TOX3: variants seen among roughly 807,000 people sequenced by gnomAD.
TOX3 encodes CAG trinucleotide repeat-containing gene F9 protein.
In TOX3, 22 loss-of-function variants were observed where a neutral mutation model predicts 64.3. The observed-to-expected ratio is 0.34, with a 90% CI of 0.24 to 0.49. TOX3 has a LOEUF of 0.49. Among genes scored for constraint, TOX3 ranks in the 20% least tolerant of loss-of-function variants. The probability of loss-of-function intolerance (pLI) is 0.99; values close to 1 mark genes in which losing one functional copy is unlikely to be tolerated. For synonymous variants in TOX3, 291 were observed against 273.6 expected, an observed-to-expected ratio of 1.06 and a Z score of -0.63; for missense variants, 661 against 714.4, an observed-to-expected ratio of 0.93 and a Z score of 0.85.
At chr16:52,515,297 G>GTT (rs1358409931) in intron 1 of TOX3, among the ~76,000 whole-genome samples, 1 of 151,994 alleles carries the variant, frequency 6.6e-6, no homozygotes, top group Non-Finnish European at 1.5e-5. Flanking sequence ...AGATAGTATG[G>GTT]TTTCCTAACC....
At chr16:52,520,749 GA>G (rs1046163579) in intron 1 of TOX3, among the ~76,000 whole-genome samples, 21 of 151,836 alleles carry the variant, frequency 1.4e-4, no homozygotes, top group African/African-American at 4.1e-4. Flanking sequence ...ATAAATACAG[GA>G]AAAAAAAGTT....
At chr16:52,490,626 ATTT>A (rs3086679) in intron 1 of TOX3, among the ~76,000 whole-genome samples, 6 of 99,046 alleles carry the variant, frequency 6.1e-5, no homozygotes, top group African/African-American at 4.3e-5. Context: ...CTAGGATGTA[ATTT>A]TTTTTTTTTT....
intron 1 of TOX3, among the ~76,000 whole-genome samples, chr16:52,476,884 G>A (rs1020887613): frequency 2.0e-5 from 3 of 152,034 alleles, no homozygotes; most frequent in African/African-American, 7.2e-5. Context: ...TCAAGCTAAG[G>A]GCCAACTCAG....
intron 1 of TOX3, among the ~76,000 whole-genome samples, chr16:52,504,662 C>G (rs1962109551): frequency 6.6e-6 from 1 of 151,718 alleles, no homozygotes; most frequent in South Asian, 2.1e-4. Flanking sequence ...GATGGGGTAA[C>G]GGAGGCTTTT....
At chr16:52,490,575 A>G (rs912123270) in intron 1 of TOX3, among the ~76,000 whole-genome samples, 57 of 150,332 alleles carry the variant, frequency 3.8e-4, no homozygotes, top group African/African-American at 1.4e-3. Flanking sequence ...TTTTAAATTG[A>G]AAAGTATTCT....
chr16:52,470,834 C>CT (rs1961020836), intron 1 of TOX3, among the ~76,000 whole-genome samples: 1 of 152,172 alleles, frequency 6.6e-6, no homozygotes, highest in African/African-American at 2.4e-5. Context: ...CCTTGCATAT[C>CT]TTTTGTATCT....
At position 52,439,200 on chromosome 16, in the gene TOX3, G is replaced by C. The variant is rs371636369; in HGVS notation, c.*25C>G. 6.2e-7 allele frequency: 1 copy of C among 1,613,484 alleles called. No homozygotes were observed. Among genetic ancestry groups the C allele is most frequent in the South Asian group, 1.1e-5 (1 of 90,954 alleles). ...TCCTATGCCACTCTCCTTGGTATACGCAAATCCGTCTGCCATATGCGTCTT... is the reference window on the plus strand; with the variant it reads ...TCCTATGCCACTCTCCTTGGTATACCCAAATCCGTCTGCCATATGCGTCTT... On this transcript the variant is annotated 3_prime_UTR_variant, in exon 7 of 7. Coordinates refer to ENST00000219746, the MANE Select transcript of TOX3 (RefSeq NM_001080430.4).
chr16:52,481,924 A>G lies in TOX3; in HGVS notation c.88-13350T>C, dbSNP rs369638840. ...GAGCTCACATGAGACTCTAAATCCC[A>G]CTTCCGACGAGGTCTTAGGGCAGGA... On this transcript the variant is annotated intron_variant, in intron 1 of 6. Coordinates refer to ENST00000219746, the MANE Select transcript of TOX3 (RefSeq NM_001080430.4). Among the ~76,000 whole-genome samples, 5 of 152,302 alleles carry G rather than the reference A, an allele frequency of 3.3e-5. No individual in the cohort carries two copies. The East Asian group carries it at 9.6e-4, about 29-fold the overall frequency.
intron 1 of TOX3, among the ~76,000 whole-genome samples, chr16:52,524,394 T>C (rs761628448): frequency 6.6e-6 from 1 of 152,198 alleles, no homozygotes; most frequent in Non-Finnish European, 1.5e-5. Context: ...TTCAAATGAA[T>C]TTTTTAGATG....
chr16:52,454,471 A>C (rs541784642), intron 3 of TOX3, among the ~76,000 whole-genome samples: 156 of 152,324 alleles, frequency 1.0e-3, no homozygotes, highest in Non-Finnish European at 2.0e-3. Context: ...ACCACGGTTC[A>C]CAGTTATCCC....
intron 6 of TOX3, among the ~76,000 whole-genome samples, chr16:52,443,489 TA>T (rs1960067095): frequency 6.6e-6 from 1 of 152,190 alleles, no homozygotes; most frequent in African/African-American, 2.4e-5. Flanking sequence ...GAACCCTTTT[TA>T]AATGGCTTTG....
Position 52,546,758 on chromosome 16 carries a change from G to C in TOX3, c.-35C>G. On this transcript the variant is annotated 5_prime_UTR_variant, in exon 1 of 7. Transcript: ENST00000219746. ...GGGCCCGGGGCCGGGGGCCGGGACT[G>C]GGGTTCGCCGGGGCCGGGACCCGCC... The C allele has an allele frequency of 3.4e-6, 5 of 1,473,904 alleles. No homozygotes were observed. The highest frequency in any genetic ancestry group is 4.5e-6 in the Non-Finnish European group (5 of 1,114,940). 91.3% of individuals were successfully genotyped at this position (1,473,904 alleles called of 1,614,324 possible).
chr16:52,456,281 C>T (rs1025010943), intron 3 of TOX3, among the ~76,000 whole-genome samples: 1 of 152,188 alleles, frequency 6.6e-6, no homozygotes, highest in Non-Finnish European at 1.5e-5. Context: ...CAATTGCGGA[C>T]ATTTCTATTT....
chr16:52,440,207 A>T (rs958156915), intron 6 of TOX3, among the ~76,000 whole-genome samples: 3 of 152,106 alleles, frequency 2.0e-5, no homozygotes, highest in Non-Finnish European at 4.4e-5. Context: ...ATGTGATGAC[A>T]GTGATACTGC....
chr16:52,460,989 A>G (rs1381376016), intron 3 of TOX3, among the ~76,000 whole-genome samples: 1 of 152,182 alleles, frequency 6.6e-6, no homozygotes, highest in Admixed American at 6.5e-5. Flanking sequence ...GACTGACCCA[A>G]TATGTCACAA....
chr16:52,470,542 T>C (rs1320313081), intron 1 of TOX3, among the ~76,000 whole-genome samples: 1 of 152,046 alleles, frequency 6.6e-6, no homozygotes. Flanking sequence ...AAAAAACAAA[T>C]TAAGCTTAGA....
At chr16:52,535,250 C>T (rs1962923457) in intron 1 of TOX3, among the ~76,000 whole-genome samples, 1 of 152,196 alleles carries the variant, frequency 6.6e-6, no homozygotes, top group African/African-American at 2.4e-5. Flanking sequence ...CCACTCACTC[C>T]TTCCACAGTA....
chr16:52,534,941 T>C (rs906481125), intron 1 of TOX3, among the ~76,000 whole-genome samples: 10 of 152,134 alleles, frequency 6.6e-5, no homozygotes, highest in Non-Finnish European at 1.2e-4. Flanking sequence ...CATAATGATG[T>C]GTGGTTCTTG....
chr16:52,537,878 T>TAA lies in TOX3; in HGVS notation c.87+8757_87+8758dup, dbSNP rs57403617. Reference sequence around the variant, plus strand: ...CTTGAGTACAGCCTGGCTGATATGATAAAAAAAAAAAAAAAAAAAAAAGAA... The same window carrying TAA: ...CTTGAGTACAGCCTGGCTGATATGATAAAAAAAAAAAAAAAAAAAAAAAAGAA... On this transcript the variant is annotated intron_variant, in intron 1 of 6. Transcript: ENST00000219746. Among the ~76,000 whole-genome samples the TAA allele has an allele frequency of 3.6e-3, 403 of 110,760 alleles. 3 individuals are homozygous for TAA. The highest frequency in any genetic ancestry group is 9.0e-3 in the Middle Eastern group (2 of 222). 72.7% of individuals were successfully genotyped at this position (110,760 alleles called of 152,430 possible).
Sources: allele counts gnomAD v4.1 joint callset (sites outside exome capture counted in the v4.1 genomes callset), GRCh38; gene constraint gnomAD v4.1.1; transcripts MANE v1.5; gene names NCBI Gene and HGNC (gene_info 2026-07-23, HGNC 2026-07-21).